The following ZNF507 variants were observed in gnomAD, a reference collection of about 807,000 sequenced individuals.
ZNF507 encodes zinc finger protein 507.
Under a neutral mutation model 80.0 loss-of-function variants are expected in ZNF507, and 29 were observed. That is an observed-to-expected ratio of 0.36 (90% CI 0.27 to 0.49). ZNF507 has a LOEUF of 0.49. Ranked by LOEUF, ZNF507 falls within the 20% of genes least tolerant of loss-of-function variation. ZNF507 has a pLI of 0.98. For missense variants in ZNF507, 1,081 were observed against 1,152.2 expected (o/e 0.94, Z 0.90); for synonymous variants, 462 against 422.5 (o/e 1.09, Z -1.15).
chr19:32,372,537 C>T (rs1351336187), intron 5 of ZNF507, among the ~76,000 whole-genome samples: 4 of 151,822 alleles, frequency 2.6e-5, no homozygotes, highest in Non-Finnish European at 4.4e-5. Flanking sequence ...AGGGCCTGGC[C>T]CTGGCTTCTG....
At chr19:32,365,372 C>A (rs1004065167) in intron 5 of ZNF507, among the ~76,000 whole-genome samples, 12 of 152,104 alleles carry the variant, frequency 7.9e-5, no homozygotes, top group African/African-American at 2.9e-4. Context: ...GTTTTTATTG[C>A]AATTGCTTTT....
At chr19:32,378,318 A>C (rs1021931113) in intron 5 of ZNF507, among the ~76,000 whole-genome samples, 12 of 152,072 alleles carry the variant, frequency 7.9e-5, no homozygotes, top group Non-Finnish European at 5.9e-5. Context: ...ACAACGCTGC[A>C]CTCCAGCCTG....
intron 5 of ZNF507, among the ~76,000 whole-genome samples, chr19:32,381,720 T>G (rs933103543): frequency 3.3e-5 from 5 of 152,198 alleles, no homozygotes; most frequent in Admixed American, 6.6e-5. Context: ...CAATATAGAT[T>G]CATCATTTAT....
chr19:32,356,797 T>C, intron 4 of ZNF507, 64 bp downstream of exon 4: 1 of 1,267,920 alleles, frequency 7.9e-7, no homozygotes, highest in Non-Finnish European at 1.2e-6. Flanking sequence ...TGCCCTTAGT[T>C]GTCATGGTTG....
rs539623828 is a variant in ZNF507, at chr19:32,362,636, A to G, written c.2360+2018A>G. Among the ~76,000 whole-genome samples the G allele has an allele frequency of 1.3e-3, 196 of 152,324 alleles. 2 individuals are homozygous for G. The Middle Eastern group carries it at 0.014, about 11-fold the overall frequency. On this transcript the variant is annotated intron_variant, in intron 5 of 6. Transcript: ENST00000355898. ...GATCAGTCTTGCAGCTTAAAGATTC[A>G]TTTTGATAGCTGTCAGTGTCTCAGG...
intron 5 of ZNF507, among the ~76,000 whole-genome samples, chr19:32,363,358 T>G (rs1444915646): frequency 6.6e-6 from 1 of 152,208 alleles, no homozygotes; most frequent in Non-Finnish European, 1.5e-5. Context: ...TATTGTTTAT[T>G]TTAGTGTGCC....
At position 32,354,377 on chromosome 19, in the gene ZNF507, G is replaced by A. The variant is rs1748517820; in HGVS notation, c.1547G>A (p.Gly516Glu). ...GCAGAGTTGACAAGAGCCAACCTGGGGCACTATGGAGATATAAACCTTTTA... is the reference window on the plus strand; with the variant it reads ...GCAGAGTTGACAAGAGCCAACCTGGAGCACTATGGAGATATAAACCTTTTA... ...RAAELTRANL[G>E]HYGDINLLDP... The change falls in exon 3 of 7, where the codon GGG becomes GAG. Residue 516 changes from glycine (G) to glutamate (E), a missense_variant. Transcript: ENST00000355898. The A allele has an allele frequency of 6.2e-7, 1 of 1,613,902 alleles. No individual in the cohort carries two copies. The highest frequency in any genetic ancestry group is 1.3e-5 in the African/African-American group (1 of 74,870).
intron 2 of ZNF507, among the ~76,000 whole-genome samples, chr19:32,351,971 C>T (rs941454126): frequency 2.6e-5 from 4 of 151,476 alleles, no homozygotes; most frequent in Non-Finnish European, 5.9e-5. Flanking sequence ...ATTATTAGAA[C>T]GAACAAATAA....
chr19:32,383,335 CCT>C lies in ZNF507; in HGVS notation c.*255_*256del, dbSNP rs1336770863. On this transcript the variant is annotated 3_prime_UTR_variant, in exon 7 of 7. Transcript: ENST00000355898. Reference sequence around the variant, plus strand: ...AGTAGAGGTGTAATCCTGTATTAACCCTCTGTCACCCCTTCTTAGTGTCGAGT... The same window carrying C: ...AGTAGAGGTGTAATCCTGTATTAACCCTGTCACCCCTTCTTAGTGTCGAGT... 1 of 437,018 alleles carries C rather than the reference CCT, an allele frequency of 2.3e-6. No individual in the cohort carries two copies. Among genetic ancestry groups the C allele is most frequent in the African/African-American group, 2.0e-5 (1 of 50,400 alleles). The allele number at this position is 437,018 out of a possible 1,614,324, so 27.1% of individuals were successfully genotyped here.
intron 1 of ZNF507, 115 bp from the exon 2 acceptor site, chr19:32,347,129 AT>A (rs1258794037): frequency 1.3e-5 from 2 of 152,252 alleles, no homozygotes; most frequent in Non-Finnish European, 2.9e-5. Context: ...ATTCCTCTGA[AT>A]TTCTTTTTAC....
intron 5 of ZNF507, among the ~76,000 whole-genome samples, chr19:32,374,101 G>T (rs1471873959): frequency 2.6e-5 from 4 of 151,642 alleles, no homozygotes; most frequent in Admixed American, 2.6e-4. Flanking sequence ...TCCTGTCGGG[G>T]GACTGATAAT....
intron 5 of ZNF507, among the ~76,000 whole-genome samples, chr19:32,363,710 A>G (rs1434561231): frequency 2.6e-5 from 4 of 152,232 alleles, no homozygotes; most frequent in Non-Finnish European, 5.9e-5. Context: ...CCCAGCTTTT[A>G]TCTTCTCAAT....
chr19:32,378,348 G>A (rs960768885), intron 5 of ZNF507, among the ~76,000 whole-genome samples: 4 of 152,088 alleles, frequency 2.6e-5, no homozygotes, highest in Admixed American at 2.0e-4. Context: ...GTGAAACTCC[G>A]TCTCAAAGAG....
In ZNF507 at chr19:32,367,551, C is replaced by T. The variant is rs10411172; in HGVS notation, c.2360+6933C>T. ...TATAGTCAAATGTATTAATCTTTTT[C>T]TTTGTGTTTAGGACTTTTGTGTTCT... On this transcript the variant is annotated intron_variant, in intron 5 of 6. Coordinates refer to ENST00000355898, the MANE Select transcript of ZNF507 (RefSeq NM_001136156.2). Among the ~76,000 whole-genome samples, 1,226 of 152,168 alleles carry T rather than the reference C, an allele frequency of 8.1e-3. 26 individuals carry two copies. The highest frequency in any genetic ancestry group is 0.028 in the African/African-American group (1,173 of 41,514).
chr19:32,352,941 A>G lies in ZNF507; in HGVS notation c.111A>G (p.Arg37=). ...ISPSLEIDEQ[R]KTKPDPLIHV... ...CTTCATTGGAAATTGATGAACAAAG[A>G]AAAACTAAACCAGATCCATTAATCC... Residue 37 remains arginine, a synonymous_variant, in exon 3 of 7, where the codon AGA becomes AGG. Transcript: ENST00000355898. 6.2e-7 allele frequency: 1 copy of G among 1,614,152 alleles called. No individual in the cohort carries two copies. The highest frequency in any genetic ancestry group is 1.3e-5 in the African/African-American group (1 of 75,064).
At chr19:32,382,676 G>T in intron 6 of ZNF507, 41 bp from the exon 7 acceptor site, 1 of 1,610,640 alleles carries the variant, frequency 6.2e-7, no homozygotes, top group Non-Finnish European at 8.5e-7. Context: ...GTCCTACATT[G>T]TAGCCTCCTC....
intron 5 of ZNF507, among the ~76,000 whole-genome samples, chr19:32,376,072 C>A (rs933002964): frequency 6.6e-6 from 1 of 152,124 alleles, no homozygotes; most frequent in South Asian, 2.1e-4. Context: ...TCCACCAATT[C>A]CATCCAATGT....
rs752599264 is a variant in ZNF507 at position 32,382,703 on chromosome 19, GTTTTGT to G, written c.2496-9_2496-4del. Reference sequence around the variant, plus strand: ...AGCCTCCTCACGGTGTGCTGTGTTTGTTTTGTTTTTAAGAGTTCTGGGGAAATCCCC... The same window carrying G: ...AGCCTCCTCACGGTGTGCTGTGTTTGTTTTAAGAGTTCTGGGGAAATCCCC... On this transcript the variant is annotated splice_region_variant and splice_polypyrimidine_tract_variant and intron_variant, in intron 6 of 6. Coordinates refer to ENST00000355898, the MANE Select transcript of ZNF507 (RefSeq NM_001136156.2). 5 of 1,609,866 alleles carry G rather than the reference GTTTTGT, an allele frequency of 3.1e-6. No individual in the cohort carries two copies. The highest frequency in any genetic ancestry group is 3.3e-4 in the Middle Eastern group (2 of 6,018).
intron 5 of ZNF507, among the ~76,000 whole-genome samples, chr19:32,363,392 G>A (rs1967355727): frequency 6.6e-6 from 1 of 152,196 alleles, no homozygotes; most frequent in Non-Finnish European, 1.5e-5. Flanking sequence ...GTTTTCTGTA[G>A]TGGTGAAACC....
Sources: gnomAD v4.1 joint callset for allele counts (sites outside exome capture counted in the v4.1 genomes callset) on GRCh38, gnomAD v4.1.1 for gene constraint, MANE v1.5 for transcripts, NCBI Gene and HGNC (gene_info 2026-07-23, HGNC 2026-07-21) for gene names.